Variants in UQCRFS1 observed in about 807,000 individuals in gnomAD.
The protein encoded by UQCRFS1 is ubiquinol-cytochrome c reductase, Rieske iron-sulfur polypeptide 1, also known as cytochrome b-c1 complex subunit Rieske, mitochondrial.
In UQCRFS1, 6 loss-of-function variants were observed where a neutral mutation model predicts 15.6. The observed-to-expected ratio is 0.38, with a 90% CI of 0.21 to 0.76. The LOEUF (loss-of-function observed/expected upper bound fraction) is 0.76. Ranked by LOEUF, UQCRFS1 falls within the 30% of genes least tolerant of loss-of-function variation. The probability of loss-of-function intolerance (pLI) is 0.44; values close to 1 mark genes in which losing one functional copy is unlikely to be tolerated. For synonymous variants in UQCRFS1, 105 were observed against 154.3 expected (o/e 0.68, Z 2.37); for missense variants, 203 against 366.7 (o/e 0.55, Z 3.65).
chr19:29,212,176 T>A (rs1044077275), intron 1 of UQCRFS1, among the ~76,000 whole-genome samples: 6 of 152,178 alleles, frequency 3.9e-5, no homozygotes, highest in Admixed American at 3.9e-4. Context: ...GGGTGTGGAA[T>A]AGCCCCTGCG....
chr19:29,208,206 G>A (rs28373951), intron 1 of UQCRFS1, 48 bp from the exon 2 acceptor site: 154 of 1,548,612 alleles, frequency 9.9e-5, no homozygotes, highest in African/African-American at 8.5e-4. Context: ...TGAGTATCCC[G>A]AAGGGAGTAT....
chr19:29,211,964 G>C (rs537444359), intron 1 of UQCRFS1, among the ~76,000 whole-genome samples: 84 of 152,240 alleles, frequency 5.5e-4, no homozygotes, highest in African/African-American at 2.0e-3. Context: ...AGCACACTAT[G>C]GAATTTTCCC....
intron 1 of UQCRFS1, among the ~76,000 whole-genome samples, chr19:29,210,444 C>A (rs1053566790): frequency 2.6e-5 from 4 of 151,874 alleles, no homozygotes; most frequent in African/African-American, 7.3e-5. Context: ...ATGTGCCATG[C>A]TGGTGTGCTG....
intron 1 of UQCRFS1, among the ~76,000 whole-genome samples, chr19:29,208,663 C>T (rs1976616095): frequency 6.6e-6 from 1 of 152,072 alleles, no homozygotes; most frequent in South Asian, 2.1e-4. Flanking sequence ...CCCTTATAGT[C>T]CAATCTATGT....
Position 29,208,018 on chromosome 19 carries a change from C to A in UQCRFS1, c.355G>T (p.Gly119Ter). ...ARKGFSYLVTGVTTVGVAYAA... is the reference protein window; with the variant it reads ...ARKGFSYLVT Reference sequence around the variant, plus strand: ...TATGCGACACCCACAGTAGTTACTCCAGTTACCAAATAGGAGAAACCTTTC... The same window carrying A: ...TATGCGACACCCACAGTAGTTACTCAAGTTACCAAATAGGAGAAACCTTTC... Residue 119 changes from glycine to a stop codon, truncating the protein, a stop_gained, in exon 2 of 2, where the codon GGA becomes TGA. Coordinates refer to ENST00000304863, the MANE Select transcript of UQCRFS1 (RefSeq NM_006003.3). LOFTEE classifies it high-confidence loss of function. 1 of 1,614,022 alleles carries A rather than the reference C, an allele frequency of 6.2e-7. No individual in the cohort carries two copies. The highest frequency in any genetic ancestry group is 1.1e-5 in the South Asian group (1 of 91,070).
intron 1 of UQCRFS1, among the ~76,000 whole-genome samples, chr19:29,212,398 G>C (rs1976664778): frequency 6.7e-6 from 1 of 148,814 alleles, no homozygotes; most frequent in Non-Finnish European, 1.5e-5. Flanking sequence ...TTTTTTTGGT[G>C]GGGGGGTGAT....
intron 1 of UQCRFS1, 98 bp downstream of exon 1, chr19:29,212,807 G>A: frequency 7.9e-7 from 1 of 1,261,632 alleles, no homozygotes; most frequent in South Asian, 2.1e-5. Flanking sequence ...ACCTGATTCA[G>A]GCTCCGCTCG....
rs1976601598 is a variant in UQCRFS1 at position 29,207,056 on chromosome 19, G to A, written c.*492C>T. The A allele has an allele frequency of 6.4e-6, 1 of 156,938 alleles. No homozygotes were observed. The highest frequency in any genetic ancestry group is 6.3e-5 in the Admixed American group (1 of 15,986). The allele number at this position is 156,938 out of a possible 1,614,324, so 9.7% of individuals were successfully genotyped here. Reference sequence around the variant, plus strand: ...TTGAGATTATCACACGGCTTACACAGTAGGGAGGAAATGCATAGCCAGGAC... The same window carrying A: ...TTGAGATTATCACACGGCTTACACAATAGGGAGGAAATGCATAGCCAGGAC... On this transcript the variant is annotated 3_prime_UTR_variant, in exon 2 of 2. Transcript: ENST00000304863.
At position 29,207,137 on chromosome 19, in the gene UQCRFS1, C is replaced by A; in HGVS notation, c.*411G>T. On this transcript the variant is annotated 3_prime_UTR_variant, in exon 2 of 2. Coordinates refer to ENST00000304863, the MANE Select transcript of UQCRFS1 (RefSeq NM_006003.3). Reference sequence around the variant, plus strand: ...TAGATACTACTGTTTCTGTCAATGCCATAGACACTTAGATGACCCGTTAAT... The same window carrying A: ...TAGATACTACTGTTTCTGTCAATGCAATAGACACTTAGATGACCCGTTAAT... 1 of 175,680 alleles carries A rather than the reference C, an allele frequency of 5.7e-6. No homozygotes were observed. The highest frequency in any genetic ancestry group is 1.2e-5 in the Non-Finnish European group (1 of 82,806). 10.9% of individuals were successfully genotyped at this position (175,680 alleles called of 1,614,324 possible).
intron 1 of UQCRFS1, among the ~76,000 whole-genome samples, chr19:29,209,187 A>C (rs1250638605): frequency 6.6e-6 from 1 of 152,114 alleles, no homozygotes; most frequent in Non-Finnish European, 1.5e-5. Context: ...TTTACCTAGT[A>C]CCACTTTTAG....
rs1976597614 is a variant in UQCRFS1, at chr19:29,206,733, GGT to G, written c.*813_*814del. On this transcript the variant is annotated 3_prime_UTR_variant, in exon 2 of 2. Coordinates refer to ENST00000304863, the MANE Select transcript of UQCRFS1 (RefSeq NM_006003.3). ...CCACTTCTGCATGCAGGCAGTATTA[GGT>G]CTCAGATGCTCCCTTTCTGCCTCCT... 6.6e-6 allele frequency: 1 copy of G among 152,210 alleles called. No homozygotes were observed. The highest frequency in any genetic ancestry group is 2.1e-4 in the South Asian group (1 of 4,826). 9.4% of individuals were successfully genotyped at this position (152,210 alleles called of 1,614,324 possible).
At chr19:29,210,716 T>C (rs891212635) in intron 1 of UQCRFS1, among the ~76,000 whole-genome samples, 1 of 152,190 alleles carries the variant, frequency 6.6e-6, no homozygotes, top group African/African-American at 2.4e-5. Context: ...TGCATAGTAT[T>C]CCACGGTGTA....
At chr19:29,212,203 C>G (rs1313986857) in intron 1 of UQCRFS1, among the ~76,000 whole-genome samples, 1 of 152,144 alleles carries the variant, frequency 6.6e-6, no homozygotes, top group African/African-American at 2.4e-5. Flanking sequence ...TCAGTGGCTA[C>G]GACAATTCGT....
In UQCRFS1 at chr19:29,213,093, C is replaced by G. The variant is rs1976678880; in HGVS notation, c.26G>C (p.Gly9Ala). The change falls in exon 1 of 2, where the codon GGC (glycine) becomes GCC (alanine). Residue 9 changes from glycine to alanine, a missense_variant. By Grantham distance (60) the Gly-to-Ala change is moderately conservative. Coordinates refer to ENST00000304863, the MANE Select transcript of UQCRFS1 (RefSeq NM_006003.3). Reference protein sequence around the residue: MLSVASRSGPFAPVLSATS... With the variant: MLSVASRSAPFAPVLSATS... ...GGCCGACAGGACGGGCGCGAACGGG[C>G]CTGAGCGGGATGCTACCGACAACAT... 6.6e-7 allele frequency: 1 copy of G among 1,508,990 alleles called. No homozygotes were observed. The allele number at this position is 1,508,990 out of a possible 1,614,324, so 93.5% of individuals were successfully genotyped here. A position where few individuals can be genotyped will look rare whatever the true frequency, so the allele number is the denominator to read the frequency against.
intron 1 of UQCRFS1, among the ~76,000 whole-genome samples, chr19:29,209,147 CTATTTTTAAATAT>C (rs1253887769): frequency 3.2e-3 from 3 of 932 alleles, no homozygotes; most frequent in African/African-American, 4.6e-3. Context: ...CTCTCCAATA[CTATTTTTAAATAT>C]CTGACCAAAA....
intron 1 of UQCRFS1, among the ~76,000 whole-genome samples, chr19:29,209,847 A>C (rs1335962247): frequency 6.6e-6 from 1 of 152,240 alleles, no homozygotes; most frequent in Non-Finnish European, 1.5e-5. Context: ...AAGAAAACTC[A>C]ATAAAATGGC....
rs1976601657 is a variant in UQCRFS1, at chr19:29,207,058, A to G, written c.*490T>C. On this transcript the variant is annotated 3_prime_UTR_variant, in exon 2 of 2. Coordinates refer to ENST00000304863, the MANE Select transcript of UQCRFS1 (RefSeq NM_006003.3). ...GAGATTATCACACGGCTTACACAGTAGGGAGGAAATGCATAGCCAGGACTC... is the reference window on the plus strand; with the variant it reads ...GAGATTATCACACGGCTTACACAGTGGGGAGGAAATGCATAGCCAGGACTC... 6.4e-6 allele frequency: 1 copy of G among 156,716 alleles called. No individual in the cohort carries two copies. Among genetic ancestry groups the G allele is most frequent in the African/African-American group, 2.4e-5 (1 of 41,476 alleles). The allele number at this position is 156,716 out of a possible 1,614,324, so 9.7% of individuals were successfully genotyped here.
chr19:29,210,663 T>C, intron 1 of UQCRFS1, among the ~76,000 whole-genome samples: 1 of 152,090 alleles, frequency 6.6e-6, no homozygotes, highest in East Asian at 1.9e-4. Context: ...TCCAATTTCA[T>C]CCATGTCCCT....
intron 1 of UQCRFS1, 23 bp from the exon 2 acceptor site, chr19:29,208,181 A>G (rs1976612031): frequency 6.3e-7 from 1 of 1,588,140 alleles, no homozygotes; most frequent in Non-Finnish European, 8.5e-7. Flanking sequence ...CAGAAGGTTA[A>G]AAAACACAAT....
Sources: allele counts gnomAD v4.1 joint callset (sites outside exome capture counted in the v4.1 genomes callset), GRCh38; gene constraint gnomAD v4.1.1; transcripts MANE v1.5; gene names NCBI Gene and HGNC (gene_info 2026-07-23, HGNC 2026-07-21).